Variants in THSD4 observed in about 807,000 individuals in gnomAD.
THSD4 encodes thrombospondin type-1 domain-containing protein 4.
A neutral mutation model predicts 119.0 loss-of-function variants in THSD4; 69 were observed. The observed-to-expected ratio is 0.58, with a 90% CI of 0.48 to 0.71. The LOEUF is 0.71. THSD4 is among the 30% of genes least tolerant of loss of function. The probability of loss-of-function intolerance (pLI) is 0.00; values close to 1 mark genes in which losing one functional copy is unlikely to be tolerated. For missense variants in THSD4, 1,393 were observed against 1,391.1 expected (o/e 1.00, Z -0.02); for synonymous variants, 524 against 540.4 (o/e 0.97, Z 0.42).
At chr15:71,106,502 G>T (rs1202659323) in intron 1 of THSD4, among the ~76,000 whole-genome samples, 2 of 152,162 alleles carry the variant, frequency 1.3e-5, no homozygotes, top group Non-Finnish European at 2.9e-5. Context: ...CTGGGGTAAA[G>T]TTGCAGCCTG....
intron 6 of THSD4, among the ~76,000 whole-genome samples, chr15:71,334,698 G>A (rs2045469867): frequency 6.6e-6 from 1 of 152,188 alleles, no homozygotes; most frequent in Non-Finnish European, 1.5e-5. Flanking sequence ...AAGCCTAGGA[G>A]AAGAAACAAA....
intron 7 of THSD4, among the ~76,000 whole-genome samples, chr15:71,434,601 A>C (rs1177802216): frequency 2.6e-5 from 4 of 152,004 alleles, no homozygotes; most frequent in African/African-American, 7.2e-5. Context: ...TGGAGGGATG[A>C]AGTTTTCCAA....
intron 7 of THSD4, among the ~76,000 whole-genome samples, chr15:71,593,914 C>T (rs919889758): frequency 4.0e-5 from 6 of 150,252 alleles, no homozygotes; most frequent in African/African-American, 1.2e-4. Context: ...CCCTTCCCAC[C>T]CCCCCGGCAA....
intron 6 of THSD4, among the ~76,000 whole-genome samples, chr15:71,372,522 G>T (rs143915926): frequency 6.6e-6 from 1 of 152,256 alleles, no homozygotes; most frequent in Non-Finnish European, 1.5e-5. Flanking sequence ...CTGCAGGTCT[G>T]TTGGAGTTTG....
intron 1 of THSD4, among the ~76,000 whole-genome samples, chr15:71,132,590 T>C (rs368026749): frequency 4.6e-5 from 7 of 152,382 alleles, no homozygotes; most frequent in East Asian, 1.9e-4. Context: ...GCTTTCCTCT[T>C]TGTATTTTTC....
At chr15:71,585,361 G>C (rs2049644545) in intron 7 of THSD4, among the ~76,000 whole-genome samples, 2 of 152,136 alleles carry the variant, frequency 1.3e-5, no homozygotes, top group Admixed American at 1.3e-4. Context: ...TGGTTGACAG[G>C]GTTGGTTGTT....
At chr15:71,749,885 C>T (rs567099952) in intron 14 of THSD4, among the ~76,000 whole-genome samples, 37 of 151,848 alleles carry the variant, frequency 2.4e-4, no homozygotes, top group Non-Finnish European at 4.3e-4. Flanking sequence ...TATAGGTGCG[C>T]GCCACCACCC....
intron 7 of THSD4, among the ~76,000 whole-genome samples, chr15:71,622,293 T>C (rs1338051462): frequency 6.6e-6 from 1 of 152,262 alleles, no homozygotes; most frequent in East Asian, 1.9e-4. Context: ...GGTCCTATTT[T>C]GGGTAATAGC....
intron 7 of THSD4, among the ~76,000 whole-genome samples, chr15:71,423,802 C>T (rs1044089839): frequency 6.6e-6 from 1 of 152,130 alleles, no homozygotes; most frequent in Non-Finnish European, 1.5e-5. Flanking sequence ...ACATTTAGGA[C>T]CCCAGAGTAC....
chr15:71,372,221 C>T (rs892913598), intron 6 of THSD4, among the ~76,000 whole-genome samples: 3 of 152,154 alleles, frequency 2.0e-5, no homozygotes, highest in South Asian at 2.1e-4. Flanking sequence ...GTAATGGGTT[C>T]GAACTTCCTT....
intron 1 of THSD4, among the ~76,000 whole-genome samples, chr15:71,124,870 C>A (rs1290809316): frequency 6.6e-6 from 1 of 152,134 alleles, no homozygotes; most frequent in Non-Finnish European, 1.5e-5. Flanking sequence ...AAGTGAGACT[C>A]CATCTCTACA....
At chr15:71,744,056 G>A (rs2053286083) in intron 11 of THSD4, among the ~76,000 whole-genome samples, 1 of 151,996 alleles carries the variant, frequency 6.6e-6, no homozygotes. Context: ...CAGGTTCAGG[G>A]GTTACATTTC....
chr15:71,451,717 CCT>C (rs2047268193), intron 7 of THSD4, among the ~76,000 whole-genome samples: 1 of 152,088 alleles, frequency 6.6e-6, no homozygotes, highest in Non-Finnish European at 1.5e-5. Flanking sequence ...GGAAAACTGC[CCT>C]CTCTCCCAGA....
In THSD4 at chr15:71,587,795, AAAAAG is replaced by A. The variant is rs1269460209; in HGVS notation, c.1153-72730_1153-72726del. On this transcript the variant is annotated intron_variant, in intron 7 of 17. Coordinates refer to ENST00000261862, the MANE Select transcript of THSD4 (RefSeq NM_024817.3). The stretch of plus-strand genomic sequence containing the variant: ...TAATAAAAAAAAAAAATTAAAAAAA[AAAAAG>A]AAAAAAAAAAAAGAAAAACCAAAAA... Among the ~76,000 whole-genome samples, 163 of 69,920 alleles carry A rather than the reference AAAAAG, an allele frequency of 2.3e-3. 1 individual carries two copies. Among genetic ancestry groups the A allele is most frequent in the South Asian group, 5.2e-3 (8 of 1,532 alleles). 45.9% of individuals were successfully genotyped at this position (69,920 alleles called of 152,430 possible).
intron 7 of THSD4, among the ~76,000 whole-genome samples, chr15:71,470,351 T>G (rs1157168914): frequency 6.6e-6 from 1 of 152,198 alleles, no homozygotes; most frequent in Non-Finnish European, 1.5e-5. Context: ...TTCCTAGAGG[T>G]TGACTACTTG....
intron 3 of THSD4, among the ~76,000 whole-genome samples, chr15:71,189,420 C>G (rs1209922567): frequency 6.6e-6 from 1 of 152,174 alleles, no homozygotes; most frequent in Non-Finnish European, 1.5e-5. Flanking sequence ...CCTGTAATCC[C>G]AGCACTTTGG....
At chr15:71,772,619 G>A (rs1212380864) in intron 17 of THSD4, among the ~76,000 whole-genome samples, 1 of 152,172 alleles carries the variant, frequency 6.6e-6, no homozygotes, top group African/African-American at 2.4e-5. Context: ...CTATTAGGTT[G>A]GTGCAAAAGT....
intron 6 of THSD4, among the ~76,000 whole-genome samples, chr15:71,409,670 C>G (rs761874257): frequency 2.6e-4 from 40 of 152,146 alleles, no homozygotes; most frequent in Non-Finnish European, 5.1e-4. Context: ...CATGTGGTCC[C>G]AGAGGCTCCA....
At chr15:71,159,655 G>T (rs1417127822) in intron 3 of THSD4, among the ~76,000 whole-genome samples, 1 of 152,098 alleles carries the variant, frequency 6.6e-6, no homozygotes, top group East Asian at 1.9e-4. Flanking sequence ...CCTCTGAGAA[G>T]AATTTGTTTA....
Sources: gnomAD v4.1 joint callset for allele counts (sites outside exome capture counted in the v4.1 genomes callset) on GRCh38, gnomAD v4.1.1 for gene constraint, MANE v1.5 for transcripts, NCBI Gene and HGNC (gene_info 2026-07-23, HGNC 2026-07-21) for gene names.